Variants in PPIH observed in about 807,000 individuals in gnomAD.
The protein encoded by PPIH is peptidyl-prolyl cis-trans isomerase H.
A neutral mutation model predicts 27.6 loss-of-function variants in PPIH; 16 were observed. The observed-to-expected ratio is 0.58, with a 90% CI of 0.39 to 0.88. PPIH has a LOEUF of 0.88. Among genes scored for constraint, PPIH ranks in the 40% least tolerant of loss-of-function variants. The probability of loss-of-function intolerance (pLI) is 0.00; values close to 1 mark genes in which losing one functional copy is unlikely to be tolerated. For synonymous variants in PPIH, 63 were observed against 76.1 expected (o/e 0.83, Z 0.90); for missense variants, 155 against 224.1 (o/e 0.69, Z 1.97).
chr1:42,670,038 G>C (rs1202315230), intron 9 of PPIH, among the ~76,000 whole-genome samples: 1 of 152,220 alleles, frequency 6.6e-6, no homozygotes, highest in African/African-American at 2.4e-5. Flanking sequence ...GCACTTACAG[G>C]CATTCAGTAA....
intron 9 of PPIH, among the ~76,000 whole-genome samples, chr1:42,667,892 C>T (rs1649429711): frequency 2.0e-5 from 3 of 152,198 alleles, no homozygotes; most frequent in South Asian, 2.1e-4. Context: ...TTCCAGGCCT[C>T]GACTTCATAT....
chr1:42,666,383 C>A (rs1354360484), intron 7 of PPIH, among the ~76,000 whole-genome samples, 164 bp from the exon 8 acceptor site: 1 of 152,196 alleles, frequency 6.6e-6, no homozygotes, highest in Non-Finnish European at 1.5e-5. Context: ...AGCCCTAACT[C>A]TACTTATTAC....
chr1:42,678,658 C>G (rs1649954515), downstream of PPIH: 1 of 152,298 alleles, frequency 6.6e-6, no homozygotes, highest in Non-Finnish European at 1.5e-5. Context: ...CTCGGCCTCC[C>G]AAAGTGTTGG....
At chr1:42,675,537 T>C (rs1409526348) in intron 9 of PPIH, among the ~76,000 whole-genome samples, 1 of 152,274 alleles carries the variant, frequency 6.6e-6, no homozygotes, top group African/African-American at 2.4e-5. Flanking sequence ...GCTTAGGTCC[T>C]GGCACACCAT....
At chr1:42,664,424 C>T (rs543910409) in intron 5 of PPIH, among the ~76,000 whole-genome samples, 1 of 152,174 alleles carries the variant, frequency 6.6e-6, no homozygotes, top group Non-Finnish European at 1.5e-5. Flanking sequence ...AGGGTGGTAT[C>T]ATGTTGTACA....
intron 1 of PPIH, 130 bp from the exon 2 acceptor site, chr1:42,658,714 G>A: frequency 8.4e-7 from 1 of 1,189,946 alleles, no homozygotes; most frequent in Non-Finnish European, 1.2e-6. Context: ...GGAACTGGGC[G>A]GTTAGACTAG....
At chr1:42,677,344 C>T (rs1649922365), downstream of PPIH, among the ~76,000 whole-genome samples, 1 of 152,140 alleles carries the variant, frequency 6.6e-6, no homozygotes. Context: ...GGGCACGTAC[C>T]TGTAATCCCA....
At chr1:42,676,759 TG>T (rs1032641708), downstream of PPIH, 9 of 152,086 alleles carry the variant, frequency 5.9e-5, no homozygotes, top group Admixed American at 2.6e-4. Flanking sequence ...TGTATGCGTA[TG>T]TTTTTTTTTT....
intron 2 of PPIH, 22 bp downstream of exon 2, chr1:42,658,930 G>A: frequency 1.2e-6 from 2 of 1,612,100 alleles, no homozygotes; most frequent in Non-Finnish European, 1.7e-6. Context: ...CTCCAGCTCC[G>A]CTGGATTAGC....
chr1:42,670,364 A>T (rs566871131), intron 9 of PPIH, among the ~76,000 whole-genome samples: 1 of 152,288 alleles, frequency 6.6e-6, no homozygotes, highest in East Asian at 1.9e-4. Flanking sequence ...AAGACTGACC[A>T]CTGATCACTA....
At chr1:42,681,218 T>C (rs1460710875), downstream of PPIH, 2 of 152,192 alleles carry the variant, frequency 1.3e-5, no homozygotes, top group Admixed American at 1.3e-4. Flanking sequence ...TAAATATACC[T>C]AAGTGACTGC....
At position 42,660,908 on chromosome 1, in the gene PPIH, A is replaced by G; in HGVS notation, c.243+4A>G. 1 of 1,608,226 alleles carries G rather than the reference A, an allele frequency of 6.2e-7. No individual in the cohort carries two copies. The highest frequency in any genetic ancestry group is 8.5e-7 in the Non-Finnish European group (1 of 1,175,194). On this transcript the variant is annotated splice_donor_region_variant and intron_variant, in intron 5 of 9. Transcript: ENST00000304979. ...TCAGGGTGGAGATTTTGTTAATGTA[A>G]GTACTATTCCTTTCCTATCAAAGAC...
rs1204644354 is a variant in PPIH, at chr1:42,658,476, C to T, written c.30C>T (p.Asn10=). The stretch of plus-strand genomic sequence containing the variant: ...CGGTGGCAAATTCAAGTCCTGTTAA[C>T]CCCGTGGTGTTCTTTGATGTCAGTA... MAVANSSPV[N]PVVFFDVSIG... The change falls in exon 1 of 10, where the codon AAC becomes AAT. Residue 10 remains asparagine (N), a synonymous_variant. Coordinates refer to ENST00000304979, the MANE Select transcript of PPIH (RefSeq NM_006347.4). 4.3e-6 allele frequency: 7 copies of T among 1,614,082 alleles called. No homozygotes were observed. The highest frequency in any genetic ancestry group is 3.3e-4 in the Middle Eastern group (2 of 6,084).
intron 1 of PPIH, 39 bp from the exon 2 acceptor site, chr1:42,658,805 C>G (rs372267478): frequency 1.2e-6 from 2 of 1,610,104 alleles, no homozygotes; most frequent in African/African-American, 1.3e-5. Context: ...CCCTCATGGT[C>G]TTGGACTGGG....
rs1448568036 is a variant in PPIH, at chr1:42,666,595, C to T, written c.465+8C>T. 4 of 1,613,094 alleles carry T rather than the reference C, an allele frequency of 2.5e-6. No individual in the cohort carries two copies. The highest frequency in any genetic ancestry group is 4.5e-5 in the East Asian group (2 of 44,880). Reference sequence around the variant, plus strand: ...GTGATGAGAAAGATTGAGGTAAGTACTGCTTTGATTTTTCTGTTTCTCTGC... The same window carrying T: ...GTGATGAGAAAGATTGAGGTAAGTATTGCTTTGATTTTTCTGTTTCTCTGC... On this transcript the variant is annotated splice_region_variant and intron_variant, in intron 8 of 9. Coordinates refer to ENST00000304979, the MANE Select transcript of PPIH (RefSeq NM_006347.4).
At position 42,658,451 on chromosome 1, in the gene PPIH, C is replaced by G; in HGVS notation, c.5C>G (p.Ala2Gly). The G allele has an allele frequency of 6.2e-7, 1 of 1,613,890 alleles. No homozygotes were observed. Among genetic ancestry groups the G allele is most frequent in the Non-Finnish European group, 8.5e-7 (1 of 1,179,740 alleles). MAVANSSPVNPV... is the reference protein window; with the variant it reads MGVANSSPVNPV... ...TTCTGCTTCCGGGTCGGAGCCATGGCGGTGGCAAATTCAAGTCCTGTTAAC... is the reference window on the plus strand; with the variant it reads ...TTCTGCTTCCGGGTCGGAGCCATGGGGGTGGCAAATTCAAGTCCTGTTAAC... The change falls in exon 1 of 10, where the codon GCG (alanine) becomes GGG (glycine). Residue 2 changes from alanine (A) to glycine (G), a missense_variant. Physicochemically the swap from Ala to Gly is moderately conservative, Grantham distance 60 (BLOSUM62 0). Around this residue, in one of 2 missense-constraint regions of PPIH, gnomAD observed 59 missense variants for 48.8 expected, o/e 1.21. Transcript: ENST00000304979.
At position 42,676,732 on chromosome 1, in the gene PPIH, T is replaced by A. The variant is rs1391858934; in HGVS notation, c.*170T>A. 6.6e-6 allele frequency: 1 copy of A among 152,108 alleles called. No homozygotes were observed. The highest frequency in any genetic ancestry group is 1.5e-5 in the Non-Finnish European group (1 of 68,006). The allele number at this position is 152,108 out of a possible 1,614,324, so 9.4% of individuals were successfully genotyped here. Reference sequence around the variant, plus strand: ...CCAAGATTGTCTTTAAGTTTTCAACTGTAAATAAAGTTTTTTTGTATGCGT... The same window carrying A: ...CCAAGATTGTCTTTAAGTTTTCAACAGTAAATAAAGTTTTTTTGTATGCGT... On this transcript the variant is annotated 3_prime_UTR_variant, in exon 10 of 10. Coordinates refer to ENST00000304979, the MANE Select transcript of PPIH (RefSeq NM_006347.4).
chr1:42,659,425 C>T (rs769057907), intron 3 of PPIH, 97 bp from the exon 4 acceptor site: 1 of 1,614,032 alleles, frequency 6.2e-7, no homozygotes, highest in Non-Finnish European at 8.5e-7. Context: ...GTCTGTCAAC[C>T]ATCTTTAGGA....
At chr1:42,658,613 G>C (rs1210313650) in intron 1 of PPIH, 101 bp downstream of exon 1, 11 of 1,401,482 alleles carry the variant, frequency 7.8e-6, no homozygotes, top group Non-Finnish European at 1.1e-5. Flanking sequence ...AAGCCAGCCA[G>C]AAAGTGAAAT....
Sources: allele counts gnomAD v4.1 joint callset (sites outside exome capture counted in the v4.1 genomes callset), GRCh38; gene constraint gnomAD v4.1.1; regional missense constraint gnomAD v4.1.1; transcripts MANE v1.5; gene names NCBI Gene and HGNC (gene_info 2026-07-23, HGNC 2026-07-21).